Variants in ZC3HC1 observed in about 807,000 individuals in gnomAD.
ZC3HC1 encodes the protein zinc finger C3HC-type containing 1.
Under a neutral mutation model 61.9 loss-of-function variants are expected in ZC3HC1, and 38 were observed. The observed-to-expected ratio is 0.61, with a 90% CI of 0.47 to 0.81. The LOEUF (loss-of-function observed/expected upper bound fraction) is 0.81. Ranked by LOEUF, ZC3HC1 falls within the 30% of genes least tolerant of loss-of-function variation. The probability of loss-of-function intolerance (pLI) is 0.00; values close to 1 mark genes in which losing one functional copy is unlikely to be tolerated. For synonymous variants in ZC3HC1, 213 were observed against 229.9 expected, an observed-to-expected ratio of 0.93 and a Z score of 0.67; for missense variants, 554 against 622.7, an observed-to-expected ratio of 0.89 and a Z score of 1.17.
rs1278215258 is a variant in ZC3HC1, at chr7:130,042,168, TGG to T, written c.259-1069_259-1068del. On this transcript the variant is annotated intron_variant, in intron 2 of 9. Coordinates refer to ENST00000358303, the MANE Select transcript of ZC3HC1 (RefSeq NM_016478.5). ...AAATCAAAAAATTAGCGGGATGTGG[TGG>T]TGCATGCCTGTAGTCTCAGCTAATT... 3.3e-5 allele frequency among the ~76,000 whole-genome samples: 5 copies of T among 151,894 alleles called. No homozygotes were observed. In the East Asian group the frequency reaches 7.9e-4, roughly 24 times the overall value.
intron 1 of ZC3HC1, 87 bp downstream of exon 1, chr7:130,051,134 G>A (rs1225536778): frequency 2.0e-6 from 3 of 1,490,112 alleles, no homozygotes; most frequent in East Asian, 2.5e-5. Context: ...GTCGCCGACC[G>A]AGGGGAACCT....
At chr7:130,041,159 T>TGG (rs1410101407) in intron 2 of ZC3HC1, 58 bp from the exon 3 acceptor site, 3 of 1,506,706 alleles carry the variant, frequency 2.0e-6, no homozygotes, top group Non-Finnish European at 2.7e-6. Flanking sequence ...TGTGTATGTG[T>TGG]GTGTGTGTGT....
chr7:130,051,087 T>C (rs906584265), intron 1 of ZC3HC1, 134 bp downstream of exon 1: 18 of 1,211,138 alleles, frequency 1.5e-5, no homozygotes, highest in Non-Finnish European at 1.7e-5. Context: ...TAACCAGAGT[T>C]TCTTTCAGAT....
intron 2 of ZC3HC1, among the ~76,000 whole-genome samples, chr7:130,048,257 C>T (rs904774196): frequency 2.1e-5 from 3 of 146,056 alleles, no homozygotes; most frequent in Non-Finnish European, 3.0e-5. Flanking sequence ...TCAAGCTATT[C>T]TCCTGCCTCA....
chr7:130,051,147 C>T (rs1795058476), intron 1 of ZC3HC1, 74 bp downstream of exon 1: 9 of 1,525,896 alleles, frequency 5.9e-6, no homozygotes, highest in African/African-American at 1.4e-5. Context: ...GGGAACCTCC[C>T]CCAACCCGCC....
chr7:130,028,345 C>A (rs1380109178), intron 5 of ZC3HC1, among the ~76,000 whole-genome samples: 1 of 151,852 alleles, frequency 6.6e-6, no homozygotes, highest in African/African-American at 2.4e-5. Flanking sequence ...AGTTTGAGAA[C>A]GGCCTGACCA....
At chr7:130,021,056 C>A (rs1369452672) in intron 9 of ZC3HC1, among the ~76,000 whole-genome samples, 6 of 151,946 alleles carry the variant, frequency 3.9e-5, no homozygotes, top group Non-Finnish European at 8.8e-5. Context: ...TGCCACCACA[C>A]ATGGCAAATT....
At chr7:130,050,348 G>T (rs1795029255) in intron 1 of ZC3HC1, 1 of 1,384,860 alleles carries the variant, frequency 7.2e-7, no homozygotes, top group Non-Finnish European at 9.8e-7. Flanking sequence ...AAAGTGCTGG[G>T]ATTATAGGCG....
chr7:130,019,203 C>T (rs1284007190), intron 9 of ZC3HC1, among the ~76,000 whole-genome samples: 1 of 152,078 alleles, frequency 6.6e-6, no homozygotes, highest in African/African-American at 2.4e-5. Context: ...CACCCGCCAC[C>T]ACTCCTGGCT....
chr7:130,020,732 A>G (rs1376819805), intron 9 of ZC3HC1, among the ~76,000 whole-genome samples: 1 of 152,086 alleles, frequency 6.6e-6, no homozygotes, highest in East Asian at 1.9e-4. Context: ...CAAAACAAAA[A>G]CAAAACCCAT....
At chr7:130,042,404 G>A (rs1794713527) in intron 2 of ZC3HC1, among the ~76,000 whole-genome samples, 1 of 151,908 alleles carries the variant, frequency 6.6e-6, no homozygotes, top group Non-Finnish European at 1.5e-5. Context: ...AGGCACCAGT[G>A]AAAGTACTGG....
intron 8 of ZC3HC1, chr7:130,022,887 A>C: frequency 3.3e-6 from 1 of 305,072 alleles, no homozygotes; most frequent in East Asian, 1.1e-4. Context: ...TCAGATCAGC[A>C]GTGGCATTAG....
Position 130,050,382 on chromosome 7 carries a change from G to C in ZC3HC1, c.146+839C>G, listed in dbSNP as rs796083802. The stretch of plus-strand genomic sequence containing the variant: ...CGTGAGCCACCGCGCCCGGCGACAG[G>C]CATTATTTTAATAAAAATAGGATTA... On this transcript the variant is annotated intron_variant, in intron 1 of 9. Transcript: ENST00000358303. 20 of 1,519,998 alleles carry C rather than the reference G, an allele frequency of 1.3e-5. No individual in the cohort carries two copies. The East Asian group carries it at 4.7e-4, about 36-fold the overall frequency. 94.2% of individuals were successfully genotyped at this position (1,519,998 alleles called of 1,614,324 possible).
chr7:130,021,973 G>A (rs913635935), intron 9 of ZC3HC1, among the ~76,000 whole-genome samples: 1 of 152,000 alleles, frequency 6.6e-6, no homozygotes, highest in Admixed American at 6.6e-5. Context: ...TCAGGAGTTC[G>A]AGACCAGCCT....
chr7:130,025,363 G>A (rs1225415947), intron 6 of ZC3HC1, among the ~76,000 whole-genome samples: 1 of 151,208 alleles, frequency 6.6e-6, no homozygotes, highest in East Asian at 2.0e-4. Flanking sequence ...AGGATAGTGG[G>A]AGTCTATGCC....
rs1793745905 is a variant in ZC3HC1 at position 130,023,594 on chromosome 7, T to C, written c.1150A>G (p.Thr384Ala). Reference protein sequence around the residue: ...RTRPVTRSMGTGDTPGLEVPS... With the variant: ...RTRPVTRSMGAGDTPGLEVPS... ...ACCTCCAGGCCAGGGGTGTCTCCTG[T>C]TCCCATGCTTCGGGTCACTGGGCGA... The change falls in exon 8 of 10, where the codon ACA becomes GCA. Residue 384 changes from threonine (T) to alanine (A), a missense_variant. Physicochemically the swap from Thr to Ala is moderately conservative, Grantham distance 58. Transcript: ENST00000358303. The surrounding 1 kb of genome is among the most constrained non-coding windows in gnomAD (Gnocchi z 4.2). 6.2e-7 allele frequency: 1 copy of C among 1,614,004 alleles called. No homozygotes were observed. The highest frequency in any genetic ancestry group is 1.1e-5 in the South Asian group (1 of 91,084).
intron 1 of ZC3HC1, among the ~76,000 whole-genome samples, chr7:130,049,741 G>A (rs1158636746): frequency 3.3e-5 from 5 of 151,764 alleles, no homozygotes; most frequent in African/African-American, 7.3e-5. Flanking sequence ...TAGGACAGAC[G>A]GGGTTTCACC....
intron 2 of ZC3HC1, chr7:130,045,461 G>A (rs1305160962): frequency 1.1e-5 from 5 of 457,098 alleles, no homozygotes; most frequent in African/African-American, 1.0e-4. Flanking sequence ...TTGGAGTAGA[G>A]TATCCTCAGC....
chr7:130,028,536 G>A (rs1172226520), intron 5 of ZC3HC1, among the ~76,000 whole-genome samples: 1 of 151,750 alleles, frequency 6.6e-6, no homozygotes, highest in Non-Finnish European at 1.5e-5. Flanking sequence ...AAAGAGACTC[G>A]GTCTCAAAAT....
Sources: allele counts gnomAD v4.1 joint callset (sites outside exome capture counted in the v4.1 genomes callset), GRCh38; gene constraint gnomAD v4.1.1; non-coding constraint Gnocchi (gnomAD v3.1); transcripts MANE v1.5; gene names NCBI Gene and HGNC (gene_info 2026-07-23, HGNC 2026-07-21).